AKR1B1: variants seen among roughly 807,000 people sequenced by gnomAD.
AKR1B1 encodes aldo-keto reductase family 1 member B, also known as aldo-keto reductase family 1 member B1.
In AKR1B1, 22 loss-of-function variants were observed where a neutral mutation model predicts 40.4. That is an observed-to-expected ratio of 0.54 (90% CI 0.39 to 0.78). The LOEUF (loss-of-function observed/expected upper bound fraction) is 0.78. Among genes scored for constraint, AKR1B1 ranks in the 30% least tolerant of loss-of-function variants. The pLI is 0.00. For missense variants in AKR1B1, 357 were observed against 396.7 expected (o/e 0.90, Z 0.85); for synonymous variants, 157 against 149.9 (o/e 1.05, Z -0.35).
intron 1 of AKR1B1, among the ~76,000 whole-genome samples, chr7:134,454,041 G>A (rs1182005287): frequency 6.6e-6 from 1 of 152,172 alleles, no homozygotes; most frequent in African/African-American, 2.4e-5. Context: ...GGTAAACTAT[G>A]AAAACATGCT....
chr7:134,458,920 C>G, intron 1 of AKR1B1, 77 bp downstream of exon 1: 1 of 1,498,336 alleles, frequency 6.7e-7, no homozygotes, highest in Non-Finnish European at 9.1e-7. Context: ...CTCAGGGTCA[C>G]TCGGGGTCCC....
chr7:134,457,348 A>G (rs1033213173), intron 1 of AKR1B1, among the ~76,000 whole-genome samples: 1 of 152,192 alleles, frequency 6.6e-6, no homozygotes, highest in African/African-American at 2.4e-5. Context: ...TCATGCTTAG[A>G]AAGTATTTGC....
upstream of AKR1B1, chr7:134,459,186 G>C: frequency 8.0e-7 from 1 of 1,253,010 alleles, no homozygotes; most frequent in Non-Finnish European, 1.1e-6. Context: ...GCGCGAAGGA[G>C]CCTTCTGATT....
chr7:134,452,348 C>G (rs1806314428), intron 1 of AKR1B1, among the ~76,000 whole-genome samples: 1 of 152,304 alleles, frequency 6.6e-6, no homozygotes, highest in African/African-American at 2.4e-5. Flanking sequence ...GTATGAGGAT[C>G]TGCTTCAAGG....
intron 4 of AKR1B1, 82 bp from the exon 5 acceptor site, chr7:134,449,201 G>C: frequency 6.3e-7 from 1 of 1,581,842 alleles, no homozygotes. Flanking sequence ...CAGTTTAACG[G>C]GTCCTGCCCT....
chr7:134,452,521 G>A (rs1322432861), intron 1 of AKR1B1, among the ~76,000 whole-genome samples: 1 of 152,214 alleles, frequency 6.6e-6, no homozygotes, highest in African/African-American at 2.4e-5. Context: ...GACCATCTGA[G>A]TAACCAGAAC....
chr7:134,456,660 A>G (rs959025101), intron 1 of AKR1B1, among the ~76,000 whole-genome samples: 4 of 152,146 alleles, frequency 2.6e-5, no homozygotes, highest in African/African-American at 9.7e-5. Context: ...TTTTCACCAT[A>G]CAGCTATCTC....
At chr7:134,445,935 G>C (rs1806079751) in intron 8 of AKR1B1, among the ~76,000 whole-genome samples, 1 of 152,212 alleles carries the variant, frequency 6.6e-6, no homozygotes. Context: ...GGGAGGGAGG[G>C]AGGCAGGCAG....
rs74699102 is a variant in AKR1B1, at chr7:134,451,384, C to T, written c.234+202G>A. ...TCAGCACGGGACTCTAAGCAATGGGCCCAGATGGAATGACCATTCAACAGA... is the reference window on the plus strand; with the variant it reads ...TCAGCACGGGACTCTAAGCAATGGGTCCAGATGGAATGACCATTCAACAGA... On this transcript the variant is annotated intron_variant, in intron 2 of 9. Transcript: ENST00000285930. 26 of 678,470 alleles carry T rather than the reference C, an allele frequency of 3.8e-5. 1 individual carries two copies. The highest frequency in any genetic ancestry group is 6.3e-5 in the Non-Finnish European group (24 of 382,824). 42.0% of individuals were successfully genotyped at this position (678,470 alleles called of 1,614,324 possible).
chr7:134,450,925 G>A (rs1457029719), intron 2 of AKR1B1, 23 bp from the exon 3 acceptor site: 1 of 1,587,370 alleles, frequency 6.3e-7, no homozygotes, highest in Non-Finnish European at 8.7e-7. Context: ...GAGGGCACAT[G>A]TCATCATTGC....
At chr7:134,448,878 G>A in intron 5 of AKR1B1, 119 bp downstream of exon 5, 5 of 1,238,882 alleles carry the variant, frequency 4.0e-6, no homozygotes, top group Non-Finnish European at 5.9e-6. Flanking sequence ...TCAGGACTCT[G>A]CCAACACCCA....
intron 9 of AKR1B1, 94 bp downstream of exon 9, chr7:134,445,144 G>A: frequency 9.1e-7 from 1 of 1,095,360 alleles, no homozygotes; most frequent in Non-Finnish European, 1.4e-6. Flanking sequence ...TGTGACGAGA[G>A]CACATTGGCG....
chr7:134,443,423 A>G (rs1022052717), intron 9 of AKR1B1, among the ~76,000 whole-genome samples: 3 of 151,878 alleles, frequency 2.0e-5, no homozygotes, highest in African/African-American at 7.3e-5. Flanking sequence ...AAAAAAAAAA[A>G]GGGATGTTAA....
At chr7:134,448,585 C>A in intron 5 of AKR1B1, 92 bp from the exon 6 acceptor site, 1 of 949,734 alleles carries the variant, frequency 1.1e-6, no homozygotes, top group South Asian at 1.3e-5. Flanking sequence ...TCCCTCCCTA[C>A]CCCATACAGA....
At chr7:134,454,996 G>T (rs960923849) in intron 1 of AKR1B1, among the ~76,000 whole-genome samples, 2 of 152,164 alleles carry the variant, frequency 1.3e-5, no homozygotes, top group East Asian at 3.8e-4. Flanking sequence ...GGGGGCTTTA[G>T]AGACACCAGG....
At chr7:134,457,381 T>C (rs1208491300) in intron 1 of AKR1B1, among the ~76,000 whole-genome samples, 2 of 152,200 alleles carry the variant, frequency 1.3e-5, no homozygotes, top group Non-Finnish European at 2.9e-5. Flanking sequence ...AGCATCCTTC[T>C]GCATCCATTC....
chr7:134,451,779 C>T (rs1055660146), intron 1 of AKR1B1, 26 bp from the exon 2 acceptor site: 47 of 1,611,926 alleles, frequency 2.9e-5, no homozygotes, highest in African/African-American at 5.3e-5. Context: ...ACGTGAGCCC[C>T]GCAGAATGCA....
At position 134,450,820 on chromosome 7, in the gene AKR1B1, T is replaced by TC; in HGVS notation, c.316dup (p.Asp106GlyfsTer12). The TC allele has an allele frequency of 1.2e-6, 2 of 1,614,002 alleles. No individual in the cohort carries two copies. The highest frequency in any genetic ancestry group is 1.7e-6 in the Non-Finnish European group (2 of 1,180,010). On this transcript the variant is annotated frameshift_variant, in exon 3 of 10. Coordinates refer to ENST00000285930, the MANE Select transcript of AKR1B1 (RefSeq NM_001628.4). LOFTEE classifies it high-confidence loss of function. ...AGTCGGCCAGTGAATAAGGTAGAGG[T>TC]CCAGGTAGTCCAGCTTCAGGTCGCT...
At chr7:134,449,537 A>G (rs1806220793) in intron 4 of AKR1B1, 183 bp downstream of exon 4, 4 of 636,930 alleles carry the variant, frequency 6.3e-6, no homozygotes, top group Admixed American at 2.6e-5. Flanking sequence ...CAGTGAGCCG[A>G]GATTGTGCCA....
Sources: gnomAD v4.1 joint callset for allele counts (sites outside exome capture counted in the v4.1 genomes callset) on GRCh38, gnomAD v4.1.1 for gene constraint, MANE v1.5 for transcripts, NCBI Gene and HGNC (gene_info 2026-07-23, HGNC 2026-07-21) for gene names.